GPC5: variants seen among roughly 807,000 people sequenced by gnomAD.
The protein encoded by GPC5 is glypican-5.
Under a neutral mutation model 53.9 loss-of-function variants are expected in GPC5, and 47 were observed. The ratio of observed to expected loss-of-function variants is 0.87; its 90% CI spans 0.69 to 1.11. The LOEUF (loss-of-function observed/expected upper bound fraction) is 1.11, where lower values mean the gene tolerates loss of function less well. Among genes scored for constraint, GPC5 ranks in the 50% most tolerant of loss-of-function variants. The probability of loss-of-function intolerance (pLI) is 0.00; values close to 1 mark genes in which losing one functional copy is unlikely to be tolerated. For synonymous variants in GPC5, 286 were observed against 263.3 expected (o/e 1.09, Z -0.84); for missense variants, 748 against 713.1 (o/e 1.05, Z -0.56).
intron 1 of GPC5, among the ~76,000 whole-genome samples, chr13:91,439,541 G>T (rs1376296231): frequency 6.6e-6 from 1 of 152,056 alleles, no homozygotes; most frequent in South Asian, 2.1e-4. Context: ...TATTATTTTT[G>T]TATCTTTAAC....
chr13:92,418,525 G>A (rs1876420083), intron 7 of GPC5, among the ~76,000 whole-genome samples: 1 of 152,108 alleles, frequency 6.6e-6, no homozygotes, highest in Non-Finnish European at 1.5e-5. Context: ...CAAAGATAGA[G>A]ATCCTGAGAT....
At position 92,103,772 on chromosome 13, in the gene GPC5, C is replaced by A. The variant is rs371031101; in HGVS notation, c.1402-41058C>A. Among the ~76,000 whole-genome samples the A allele has an allele frequency of 7.9e-5, 12 of 152,242 alleles. No individual in the cohort carries two copies. The East Asian group carries it at 1.4e-3, about 17-fold the overall frequency. On this transcript the variant is annotated intron_variant, in intron 6 of 7. Coordinates refer to ENST00000377067, the MANE Select transcript of GPC5 (RefSeq NM_004466.6). ...CAACATTCCTAAGGCAGTTTACAAC[C>A]CTTAGCCATAACTTCTTGCTTTGAG... is the stretch of plus-strand genomic sequence containing the variant.
rs755764423 is a variant in GPC5 at position 91,682,801 on chromosome 13, G to A, written c.326-10386G>A. Among the ~76,000 whole-genome samples the A allele has an allele frequency of 3.9e-5, 6 of 152,186 alleles. 1 individual carries two copies. The highest frequency in any genetic ancestry group is 4.1e-4 in the South Asian group (2 of 4,826). ...TCCTGCCCTTGGTCAGAGCAGACAC[G>A]ATTGCATCTACTTTATTACAGACAA... On this transcript the variant is annotated intron_variant, in intron 2 of 7. Coordinates refer to ENST00000377067, the MANE Select transcript of GPC5 (RefSeq NM_004466.6).
intron 7 of GPC5, among the ~76,000 whole-genome samples, chr13:92,442,459 A>T (rs947045367): frequency 6.6e-6 from 1 of 152,188 alleles, no homozygotes; most frequent in African/African-American, 2.4e-5. Flanking sequence ...AGATCCTGGG[A>T]CCCATAATAT....
intron 6 of GPC5, among the ~76,000 whole-genome samples, chr13:92,113,603 C>A (rs1490797152): frequency 6.6e-6 from 1 of 152,038 alleles, no homozygotes; most frequent in African/African-American, 2.4e-5. Context: ...TACTTTTGAA[C>A]CCAATTATTT....
At position 92,086,086 on chromosome 13, in the gene GPC5, C is replaced by T. The variant is rs774609333; in HGVS notation, c.1402-58744C>T. On this transcript the variant is annotated intron_variant, in intron 6 of 7. Coordinates refer to ENST00000377067, the MANE Select transcript of GPC5 (RefSeq NM_004466.6). ...TCTCTCAGGAATTCACACTGTGTGG[C>T]CTTCTGCATTAAAGGAGTCACCTAA... 4.6e-5 allele frequency among the ~76,000 whole-genome samples: 7 copies of T among 152,150 alleles called. No homozygotes were observed. In the South Asian group the frequency reaches 1.5e-3, roughly 32 times the overall value.
intron 1 of GPC5, among the ~76,000 whole-genome samples, chr13:91,421,757 G>C (rs1878651202): frequency 6.6e-6 from 1 of 152,176 alleles, no homozygotes; most frequent in African/African-American, 2.4e-5. Flanking sequence ...ACACCTTTTG[G>C]CTCAGAATTA....
chr13:92,637,916 A>G (rs955601145), intron 7 of GPC5, among the ~76,000 whole-genome samples: 1 of 152,220 alleles, frequency 6.6e-6, no homozygotes, highest in African/African-American at 2.4e-5. Flanking sequence ...AAAATGTGAA[A>G]TCAACTTCTA....
At chr13:92,135,481 C>T (rs2041776597) in intron 6 of GPC5, among the ~76,000 whole-genome samples, 1 of 152,070 alleles carries the variant, frequency 6.6e-6, no homozygotes, top group Non-Finnish European at 1.5e-5. Context: ...AATAAACCTA[C>T]CCAGTCAATT....
intron 1 of GPC5, among the ~76,000 whole-genome samples, chr13:91,422,542 A>G (rs1177139416): frequency 6.6e-6 from 1 of 152,172 alleles, no homozygotes; most frequent in African/African-American, 2.4e-5. Context: ...AGGCTGAGGC[A>G]GGAGAATTGC....
At chr13:92,161,285 G>A (rs1164452008) in intron 7 of GPC5, among the ~76,000 whole-genome samples, 2 of 151,978 alleles carry the variant, frequency 1.3e-5, no homozygotes, top group Non-Finnish European at 2.9e-5. Context: ...TATTTAACAA[G>A]CATACTAAAT....
At chr13:91,711,182 A>G (rs1195380516) in intron 3 of GPC5, among the ~76,000 whole-genome samples, 2 of 152,198 alleles carry the variant, frequency 1.3e-5, no homozygotes, top group Admixed American at 6.5e-5. Context: ...ACTATTCACA[A>G]TAGCAAAGAC....
At chr13:92,796,013 T>TA (rs1876665002) in intron 7 of GPC5, among the ~76,000 whole-genome samples, 1 of 152,124 alleles carries the variant, frequency 6.6e-6, no homozygotes, top group Non-Finnish European at 1.5e-5. Context: ...CATTACTGGG[T>TA]ACATACCCAA....
intron 2 of GPC5, among the ~76,000 whole-genome samples, chr13:91,669,977 G>A (rs1257936988): frequency 6.6e-6 from 1 of 152,078 alleles, no homozygotes; most frequent in Non-Finnish European, 1.5e-5. Context: ...TCAAAACATC[G>A]CACATGTCAA....
chr13:92,354,098 A>T (rs764518025), intron 7 of GPC5, among the ~76,000 whole-genome samples: 5 of 152,192 alleles, frequency 3.3e-5, no homozygotes, highest in Non-Finnish European at 7.4e-5. Context: ...CACATATTTT[A>T]TGTTTGACCT....
In GPC5 at chr13:92,483,700, A is replaced by G. The variant is rs142766329; in HGVS notation, c.1561+338711A>G. On this transcript the variant is annotated intron_variant, in intron 7 of 7. Coordinates refer to ENST00000377067, the MANE Select transcript of GPC5 (RefSeq NM_004466.6). ...TATAATTTTGTTTTTTAACATTTTG[A>G]CTTTTCTATAATAAATGTAGCTTAA... Among the ~76,000 whole-genome samples the G allele has an allele frequency of 4.3e-3, 658 of 152,124 alleles. 1 individual carries two copies. The highest frequency in any genetic ancestry group is 6.9e-3 in the Non-Finnish European group (472 of 67,974).
Position 92,018,653 on chromosome 13 carries a change from G to T in GPC5, c.1401+110596G>T, listed in dbSNP as rs993350844. The stretch of plus-strand genomic sequence containing the variant: ...AGCTCAAATTCTGAAGAATTCAAAA[G>T]ATGTCATTAAAAATACGTAACTAGA... On this transcript the variant is annotated intron_variant, in intron 6 of 7. Transcript: ENST00000377067. 4.6e-5 allele frequency among the ~76,000 whole-genome samples: 7 copies of T among 151,984 alleles called. No individual in the cohort carries two copies. The East Asian group carries it at 1.2e-3, about 25-fold the overall frequency.
chr13:91,808,731 A>T (rs1033605952), intron 5 of GPC5, among the ~76,000 whole-genome samples: 2 of 152,130 alleles, frequency 1.3e-5, no homozygotes, highest in Non-Finnish European at 2.9e-5. Flanking sequence ...ATACCTTCAA[A>T]CTACTGCTTA....
At position 92,224,860 on chromosome 13, in the gene GPC5, A is replaced by G. The variant is rs115429531; in HGVS notation, c.1561+79871A>G. ...GTTTCTTACAGACTTTGCCTCATGT[A>G]CCTTTTCTCTTTACTGATTTTTACT... On this transcript the variant is annotated intron_variant, in intron 7 of 7. Transcript: ENST00000377067. Among the ~76,000 whole-genome samples the G allele has an allele frequency of 2.2e-3, 340 of 152,218 alleles. 2 individuals are homozygous for G. The highest frequency in any genetic ancestry group is 7.8e-3 in the African/African-American group (325 of 41,532).
Sources: gnomAD v4.1 joint callset for allele counts (sites outside exome capture counted in the v4.1 genomes callset) on GRCh38, gnomAD v4.1.1 for gene constraint, MANE v1.5 for transcripts, NCBI Gene and HGNC (gene_info 2026-07-23, HGNC 2026-07-21) for gene names.